Variants in SIAH3 observed in about 807,000 individuals in gnomAD.
SIAH3 encodes seven in absentia homolog 3.
In SIAH3, 9 loss-of-function variants were observed where a neutral mutation model predicts 12.6. That is an observed-to-expected ratio of 0.72 (90% CI 0.43 to 1.25). SIAH3 has a LOEUF of 1.25. Ranked by LOEUF, SIAH3 falls within the 50% of genes most tolerant of loss-of-function variation. The pLI is 0.00. For missense variants in SIAH3, 390 were observed against 365.4 expected (o/e 1.07, Z -0.55); for synonymous variants, 154 against 151.1 (o/e 1.02, Z -0.14).
At chr13:45,844,613 A>T (rs894154806) in intron 1 of SIAH3, among the ~76,000 whole-genome samples, 2 of 152,166 alleles carry the variant, frequency 1.3e-5, no homozygotes, top group African/African-American at 4.8e-5. Context: ...GTGTGAGCCA[A>T]TTTTCCTAAT....
At chr13:45,786,653 C>G (rs191195997) in intron 1 of SIAH3, among the ~76,000 whole-genome samples, 1 of 152,220 alleles carries the variant, frequency 6.6e-6, no homozygotes, top group Non-Finnish European at 1.5e-5. Context: ...AGTGTTACCT[C>G]GAGAGGGCAT....
chr13:45,810,223 C>T (rs78940286), intron 1 of SIAH3, among the ~76,000 whole-genome samples: 337 of 152,284 alleles, frequency 2.2e-3, no homozygotes, highest in Non-Finnish European at 3.8e-3. Context: ...AGATCAGAGA[C>T]GAGTGGCCCA....
chr13:45,784,146 G>A, intron 1 of SIAH3, 89 bp from the exon 2 acceptor site: 1 of 1,198,656 alleles, frequency 8.3e-7, no homozygotes, highest in Non-Finnish European at 1.2e-6. Context: ...TTAAAAAGCA[G>A]ATCCTCCAGT....
chr13:45,804,254 G>T (rs1950591582), intron 1 of SIAH3, among the ~76,000 whole-genome samples: 2 of 151,882 alleles, frequency 1.3e-5, no homozygotes, highest in Non-Finnish European at 2.9e-5. Flanking sequence ...TTAATATATT[G>T]TTATTACTAC....
intron 1 of SIAH3, among the ~76,000 whole-genome samples, chr13:45,797,473 G>A (rs1213164921): frequency 6.6e-6 from 1 of 152,164 alleles, no homozygotes; most frequent in Non-Finnish European, 1.5e-5. Context: ...CGGATCCAAA[G>A]CACTTGATTT....
Position 45,783,200 on chromosome 13 carries a change from A to G in SIAH3, c.*183T>C, listed in dbSNP as rs1193993265. 1.8e-5 allele frequency: 7 copies of G among 384,140 alleles called. No homozygotes were observed. The highest frequency in any genetic ancestry group is 3.2e-5 in the Non-Finnish European group (7 of 220,880). The allele number at this position is 384,140 out of a possible 1,614,324, so 23.8% of individuals were successfully genotyped here. A position where few individuals can be genotyped will look rare whatever the true frequency, so the allele number is the denominator to read the frequency against. On this transcript the variant is annotated 3_prime_UTR_variant, in exon 2 of 2. Transcript: ENST00000400405. Reference sequence around the variant, plus strand: ...AAATTACAGGATGTTTACATAATATAATGCCCATGGCAGACAAAAACTAAA... The same window carrying G: ...AAATTACAGGATGTTTACATAATATGATGCCCATGGCAGACAAAAACTAAA...
intron 1 of SIAH3, among the ~76,000 whole-genome samples, chr13:45,791,055 C>T (rs1459861601): frequency 6.6e-6 from 1 of 151,926 alleles, no homozygotes; most frequent in Non-Finnish European, 1.5e-5. Flanking sequence ...GTCCCAGCTA[C>T]TCAGAGACTG....
At chr13:45,836,329 T>G (rs1414502949) in intron 1 of SIAH3, among the ~76,000 whole-genome samples, 1 of 152,178 alleles carries the variant, frequency 6.6e-6, no homozygotes, top group East Asian at 1.9e-4. Flanking sequence ...AGTGATAGAC[T>G]GGGTAAAGAA....
At chr13:45,797,729 C>G (rs905608537) in intron 1 of SIAH3, among the ~76,000 whole-genome samples, 30 of 152,186 alleles carry the variant, frequency 2.0e-4, no homozygotes, top group African/African-American at 7.0e-4. Flanking sequence ...GGTCACAGAC[C>G]TCACTGTGAA....
intron 1 of SIAH3, among the ~76,000 whole-genome samples, chr13:45,823,863 G>A (rs1950664636): frequency 6.6e-6 from 1 of 152,186 alleles, no homozygotes; most frequent in Non-Finnish European, 1.5e-5. Context: ...GTGACCTTGG[G>A]CAAATTACTT....
chr13:45,814,689 T>G (rs186294042), intron 1 of SIAH3, among the ~76,000 whole-genome samples: 57 of 151,814 alleles, frequency 3.8e-4, no homozygotes, highest in Non-Finnish European at 7.2e-4. Flanking sequence ...CCCAGAGTTC[T>G]AGTATTAGGT....
intron 1 of SIAH3, among the ~76,000 whole-genome samples, chr13:45,829,667 G>C (rs79575303): frequency 0.01 from 1,523 of 152,242 alleles, 14 homozygotes; most frequent in Non-Finnish European, 0.016. Context: ...TTCCTAGGCA[G>C]ACCTGCGCTC....
rs547381427 is a variant in SIAH3 at position 45,831,966 on chromosome 13, T to C, written c.135+19529A>G. ...AGCCAGGGAATCCCACCTTGGTTGGTTGGCCTGAGAAGATGGACTTTGGGA... is the reference window on the plus strand; with the variant it reads ...AGCCAGGGAATCCCACCTTGGTTGGCTGGCCTGAGAAGATGGACTTTGGGA... On this transcript the variant is annotated intron_variant, in intron 1 of 1. Transcript: ENST00000400405. 1.2e-4 allele frequency among the ~76,000 whole-genome samples: 18 copies of C among 152,312 alleles called. No homozygotes were observed. The East Asian group carries it at 3.3e-3, about 28-fold the overall frequency.
chr13:45,823,134 T>C (rs1307495789), intron 1 of SIAH3, among the ~76,000 whole-genome samples: 1 of 152,178 alleles, frequency 6.6e-6, no homozygotes, highest in East Asian at 1.9e-4. Flanking sequence ...ACTTGAATAA[T>C]AAAAGAATTA....
intron 1 of SIAH3, among the ~76,000 whole-genome samples, chr13:45,839,689 G>A (rs7986995): frequency 0.095 from 14,438 of 151,844 alleles, 745 homozygotes; most frequent in Middle Eastern, 0.22. Flanking sequence ...AAAATTAGCC[G>A]GGCGTGGTGG....
intron 1 of SIAH3, among the ~76,000 whole-genome samples, chr13:45,791,395 G>C (rs755773952): frequency 8.5e-5 from 13 of 152,178 alleles, no homozygotes; most frequent in Non-Finnish European, 1.8e-4. Flanking sequence ...ATGAATGAAT[G>C]ATTCATAAAC....
chr13:45,822,940 G>A (rs371690367), intron 1 of SIAH3, among the ~76,000 whole-genome samples: 19 of 79,618 alleles, frequency 2.4e-4, no homozygotes, highest in African/African-American at 1.1e-3. Flanking sequence ...CCACAAAGTC[G>A]TCCCAAGGTC....
rs754862655 is a variant in SIAH3, at chr13:45,778,558, G to C, written c.*4825C>G. The C allele has an allele frequency of 6.6e-6, 1 of 152,158 alleles. No homozygotes were observed. The highest frequency in any genetic ancestry group is 1.5e-5 in the Non-Finnish European group (1 of 68,052). The allele number at this position is 152,158 out of a possible 1,614,324, so 9.4% of individuals were successfully genotyped here. ...TCCCCAACAATTTGCTGTTCCGCTG[G>C]CTTGGCTGTCATTTATGCCCTTGTC... On this transcript the variant is annotated 3_prime_UTR_variant, in exon 2 of 2. Coordinates refer to ENST00000400405, the MANE Select transcript of SIAH3 (RefSeq NM_198849.3).
chr13:45,823,023 C>T (rs1226566269), intron 1 of SIAH3, among the ~76,000 whole-genome samples: 1 of 152,180 alleles, frequency 6.6e-6, no homozygotes, highest in African/African-American at 2.4e-5. Flanking sequence ...AAAGCTTCTC[C>T]TTAGATCTAA....
Sources: gnomAD v4.1 joint callset for allele counts (sites outside exome capture counted in the v4.1 genomes callset) on GRCh38, gnomAD v4.1.1 for gene constraint, MANE v1.5 for transcripts, NCBI Gene and HGNC (gene_info 2026-07-23, HGNC 2026-07-21) for gene names.